P2RY6: variants seen among roughly 807,000 people sequenced by gnomAD.
P2RY6 encodes P2Y purinoceptor 6.
A neutral mutation model predicts 16.3 loss-of-function variants in P2RY6; 19 were observed. That is an observed-to-expected ratio of 1.16 (90% CI 0.81 to 1.71). P2RY6 has a LOEUF of 1.71. Ranked by LOEUF, P2RY6 falls within the 40% of genes most tolerant of loss-of-function variation. P2RY6 has a pLI of 0.00. For missense variants in P2RY6, 389 were observed against 455.5 expected, an observed-to-expected ratio of 0.85 and a Z score of 1.33; for synonymous variants, 184 against 201.5, an observed-to-expected ratio of 0.91 and a Z score of 0.74.
At chr11:73,277,040 G>A (rs1046582508) in intron 1 of P2RY6, among the ~76,000 whole-genome samples, 20 of 152,110 alleles carry the variant, frequency 1.3e-4, no homozygotes, top group African/African-American at 4.3e-4. Flanking sequence ...CTCTTCAGGG[G>A]CTTAGGTCCA....
intron 1 of P2RY6, among the ~76,000 whole-genome samples, chr11:73,281,314 T>G (rs1863753604): frequency 6.6e-6 from 1 of 152,048 alleles, no homozygotes; most frequent in East Asian, 1.9e-4. Context: ...GTCTGTAAGC[T>G]CCAAGAACCA....
chr11:73,275,125 G>T (rs561364069), intron 1 of P2RY6, among the ~76,000 whole-genome samples: 2 of 152,232 alleles, frequency 1.3e-5, no homozygotes, highest in Non-Finnish European at 2.9e-5. Context: ...GCCCAGCCCT[G>T]TGTGGATTCC....
At chr11:73,277,996 T>C (rs920561543) in intron 1 of P2RY6, among the ~76,000 whole-genome samples, 1 of 151,774 alleles carries the variant, frequency 6.6e-6, no homozygotes, top group Admixed American at 6.6e-5. Context: ...GTTTGTTTGT[T>C]TGTTGTTATT....
At chr11:73,266,100 G>C (rs1419760044) in intron 1 of P2RY6, among the ~76,000 whole-genome samples, 1 of 152,166 alleles carries the variant, frequency 6.6e-6, no homozygotes, top group South Asian at 2.1e-4. Context: ...AGTTTTCACA[G>C]AGCCAGTGAT....
intron 2 of P2RY6, among the ~76,000 whole-genome samples, chr11:73,296,223 G>GA (rs142793721): frequency 0.42 from 50,324 of 120,964 alleles, 11,586 homozygotes; most frequent in East Asian, 0.6. Flanking sequence ...AAGGCTGAAG[G>GA]AAAAAAAAAA....
chr11:73,296,474 T>C lies in P2RY6; in HGVS notation c.-34-11T>C. 1 of 1,596,230 alleles carries C rather than the reference T, an allele frequency of 6.3e-7. No individual in the cohort carries two copies. The highest frequency in any genetic ancestry group is 1.1e-5 in the South Asian group (1 of 89,170). On this transcript the variant is annotated splice_polypyrimidine_tract_variant and intron_variant, in intron 2 of 2. Coordinates refer to ENST00000540124, the MANE Select transcript of P2RY6 (RefSeq NM_001277204.2). ...AGCATGTCACTGACAGGCTGTGTATTGCTTTCCCAGCCTCCCTGAACATAG... is the reference window on the plus strand; with the variant it reads ...AGCATGTCACTGACAGGCTGTGTATCGCTTTCCCAGCCTCCCTGAACATAG...
upstream of P2RY6, among the ~76,000 whole-genome samples, chr11:73,270,930 C>T (rs1863277996): frequency 6.6e-6 from 1 of 152,170 alleles, no homozygotes; most frequent in South Asian, 2.1e-4. Flanking sequence ...CCTTACCCTC[C>T]TTTATGTTTC....
At chr11:73,281,645 C>T (rs570316361) in intron 1 of P2RY6, among the ~76,000 whole-genome samples, 4 of 152,334 alleles carry the variant, frequency 2.6e-5, no homozygotes, top group Admixed American at 1.3e-4. Context: ...TGAGTGTCCT[C>T]GGGAACTGTG....
At chr11:73,273,447 A>G (rs1378595405) in intron 1 of P2RY6, among the ~76,000 whole-genome samples, 1 of 152,064 alleles carries the variant, frequency 6.6e-6, no homozygotes, top group Non-Finnish European at 1.5e-5. Context: ...TGAGAGTGAG[A>G]ATGCCCAGCT....
rs1242468485 is a variant in P2RY6, at chr11:73,297,102, C to T, written c.584C>T (p.Ala195Val). ...ACCCACTATATGCCCTATGGCATGG[C>T]TCTCACTGTCATCGGCTTCCTGCTG... ...LATHYMPYGM[A>V]LTVIGFLLPF... Residue 195 changes from alanine to valine, a missense_variant, in exon 3 of 3, where the codon GCT becomes GTT. Physicochemically the swap from Ala to Val is moderately conservative, Grantham distance 64. Transcript: ENST00000540124. The T allele has an allele frequency of 6.2e-7, 1 of 1,603,782 alleles. No individual in the cohort carries two copies. Among genetic ancestry groups the T allele is most frequent in the Non-Finnish European group, 8.5e-7 (1 of 1,179,950 alleles).
rs574619841 is a variant in P2RY6, at chr11:73,285,687, C to G, written c.-120-10043C>G. On this transcript the variant is annotated intron_variant, in intron 1 of 2. Coordinates refer to ENST00000540124, the MANE Select transcript of P2RY6 (RefSeq NM_001277204.2). ...CTCCCAAAAGAAGAGACTATGCCCC[C>G]CTTACAGGCCCCAGGCAGGCAATGA... Among the ~76,000 whole-genome samples the G allele has an allele frequency of 1.2e-4, 18 of 152,276 alleles. No individual in the cohort carries two copies. The South Asian group carries it at 3.1e-3, about 26-fold the overall frequency.
chr11:73,276,223 C>T (rs530623772), intron 1 of P2RY6, among the ~76,000 whole-genome samples: 1 of 152,316 alleles, frequency 6.6e-6, no homozygotes. Flanking sequence ...CAGACAATAA[C>T]AAGTGTTGCC....
At chr11:73,287,594 C>A (rs1222330757) in intron 1 of P2RY6, among the ~76,000 whole-genome samples, 1 of 152,242 alleles carries the variant, frequency 6.6e-6, no homozygotes, top group African/African-American at 2.4e-5. Context: ...CATCTCTCCC[C>A]CCACGGACTG....
intron 1 of P2RY6, among the ~76,000 whole-genome samples, chr11:73,279,179 G>A (rs1301797087): frequency 2.0e-5 from 3 of 151,752 alleles, no homozygotes; most frequent in Middle Eastern, 3.2e-3. Context: ...ATCTTCTTTG[G>A]AAAAATGTCT....
In P2RY6 at chr11:73,295,768, G is replaced by A. The variant is rs1864447174; in HGVS notation, c.-82G>A. On this transcript the variant is annotated 5_prime_UTR_variant, in exon 2 of 3. Transcript: ENST00000540124. ...TGCCAGAAGAACCATGGCTTTGGAA[G>A]GCGGAGTTCAGGCTGAGGAGATGGG... 1 of 985,398 alleles carries A rather than the reference G, an allele frequency of 1.0e-6. No individual in the cohort carries two copies. The highest frequency in any genetic ancestry group is 1.2e-6 in the Non-Finnish European group (1 of 829,890). 61.0% of individuals were successfully genotyped at this position (985,398 alleles called of 1,614,324 possible). A position where few individuals can be genotyped will look rare whatever the true frequency, so the allele number is the denominator to read the frequency against.
At chr11:73,273,554 A>G (rs191434103) in intron 1 of P2RY6, among the ~76,000 whole-genome samples, 6 of 152,068 alleles carry the variant, frequency 3.9e-5, no homozygotes, top group East Asian at 1.9e-4. Context: ...AATTCTTACA[A>G]TCTTTTTTTG....
chr11:73,295,675 C>A, intron 1 of P2RY6, 55 bp from the exon 2 acceptor site: 1 of 701,198 alleles, frequency 1.4e-6, no homozygotes, highest in Non-Finnish European at 1.8e-6. Context: ...TTTGTAGCCT[C>A]AAGTGGAAAG....
intron 1 of P2RY6, among the ~76,000 whole-genome samples, chr11:73,286,000 G>A (rs1354053087): frequency 6.6e-6 from 1 of 152,230 alleles, no homozygotes; most frequent in African/African-American, 2.4e-5. Flanking sequence ...CTCCCAGTGA[G>A]CTTTCTCAAG....
At chr11:73,286,324 T>C (rs964865825) in intron 1 of P2RY6, among the ~76,000 whole-genome samples, 1 of 152,150 alleles carries the variant, frequency 6.6e-6, no homozygotes, top group Admixed American at 6.5e-5. Flanking sequence ...AGGAGTTCCC[T>C]GAGGCTCCCC....
Sources: allele counts gnomAD v4.1 joint callset (sites outside exome capture counted in the v4.1 genomes callset), GRCh38; gene constraint gnomAD v4.1.1; transcripts MANE v1.5; gene names NCBI Gene and HGNC (gene_info 2026-07-23, HGNC 2026-07-21).